Variants in RILPL1 observed in about 807,000 individuals in gnomAD.
RILPL1 encodes RILP-like protein 1.
In RILPL1, 33 loss-of-function variants were observed where a neutral mutation model predicts 50.3. The ratio of observed to expected loss-of-function variants is 0.66; its 90% CI spans 0.50 to 0.88. The LOEUF (loss-of-function observed/expected upper bound fraction) is 0.88, where lower values mean the gene tolerates loss of function less well. RILPL1 is among the 40% of genes least tolerant of loss of function. The pLI, the probability that RILPL1 is intolerant of heterozygous loss-of-function variation, is 0.00. For missense variants in RILPL1, 418 were observed against 542.5 expected, an observed-to-expected ratio of 0.77 and a Z score of 2.28; for synonymous variants, 205 against 228.6, an observed-to-expected ratio of 0.90 and a Z score of 0.93.
intron 5 of RILPL1, chr12:123,484,672 TGA>T (rs1882213309): frequency 1.1e-5 from 2 of 187,284 alleles, no homozygotes; most frequent in African/African-American, 6.9e-5. Context: ...TTTTTTTTTT[TGA>T]GACAGGGTCT....
chr12:123,533,028 G>C lies in RILPL1; in HGVS notation c.309+146C>G. 7 of 865,690 alleles carry C rather than the reference G, an allele frequency of 8.1e-6. No individual in the cohort carries two copies. The highest frequency in any genetic ancestry group is 1.2e-5 in the Non-Finnish European group (7 of 582,990). 53.6% of individuals were successfully genotyped at this position (865,690 alleles called of 1,614,324 possible). On this transcript the variant is annotated intron_variant, in intron 1 of 6. Coordinates refer to ENST00000376874, the MANE Select transcript of RILPL1 (RefSeq NM_178314.5). The surrounding 1 kb of genome is among the most constrained non-coding windows in gnomAD (Gnocchi z 6.2). ...CCCCTGGTCGGGCAAAAGAAGGCCA[G>C]GGCCTCCCTCCCTCCCCACGTCGGG...
At chr12:123,487,852 C>T (rs186104764) in intron 4 of RILPL1, among the ~76,000 whole-genome samples, 1 of 152,306 alleles carries the variant, frequency 6.6e-6, no homozygotes, top group East Asian at 1.9e-4. Context: ...CAAACCGTTT[C>T]CCACGGCAGC....
At chr12:123,507,815 C>T (rs554463580) in intron 2 of RILPL1, among the ~76,000 whole-genome samples, 64 of 151,828 alleles carry the variant, frequency 4.2e-4, no homozygotes, top group South Asian at 4.0e-3. Context: ...GTGGTGCATG[C>T]CTGTAATCCC....
At chr12:123,499,913 T>A (rs1883263657) in intron 2 of RILPL1, among the ~76,000 whole-genome samples, 1 of 150,568 alleles carries the variant, frequency 6.6e-6, no homozygotes, top group Non-Finnish European at 1.5e-5. Flanking sequence ...CTTCTCTCCA[T>A]CCCTGACCCA....
intron 2 of RILPL1, among the ~76,000 whole-genome samples, chr12:123,517,936 C>T (rs1417769529): frequency 1.3e-5 from 2 of 152,072 alleles, no homozygotes; most frequent in Non-Finnish European, 2.9e-5. Flanking sequence ...AATGGATAAA[C>T]CTCGAAAACA....
Position 123,533,634 on chromosome 12 carries a change from G to A in RILPL1, c.-152C>T. On this transcript the variant is annotated 5_prime_UTR_variant, in exon 1 of 7. Transcript: ENST00000376874. This position sits in a 1 kb window ranked among gnomAD's most constrained non-coding sequence, Gnocchi z 6.2. Reference sequence around the variant, plus strand: ...GAGGGCGCAGCGGGCAGCGGGCGGCGGGCGCGGGCGCGGGCACGGGCGGCG... The same window carrying A: ...GAGGGCGCAGCGGGCAGCGGGCGGCAGGCGCGGGCGCGGGCACGGGCGGCG... The A allele has an allele frequency of 3.0e-6, 1 of 336,320 alleles. No homozygotes were observed. Among genetic ancestry groups the A allele is most frequent in the Non-Finnish European group, 4.2e-6 (1 of 239,518 alleles). 20.8% of individuals were successfully genotyped at this position (336,320 alleles called of 1,614,324 possible).
chr12:123,508,641 C>T (rs995679172), intron 2 of RILPL1, among the ~76,000 whole-genome samples: 2 of 152,124 alleles, frequency 1.3e-5, no homozygotes, highest in Non-Finnish European at 2.9e-5. Context: ...CTGATCTGAA[C>T]ATACATGCAA....
chr12:123,506,047 C>A (rs1353041140), intron 2 of RILPL1, among the ~76,000 whole-genome samples: 3 of 152,202 alleles, frequency 2.0e-5, no homozygotes, highest in Non-Finnish European at 4.4e-5. Flanking sequence ...CAGGCACGTG[C>A]CATTACAGAC....
intron 2 of RILPL1, among the ~76,000 whole-genome samples, chr12:123,500,272 CCCTTT>C (rs1291182913): frequency 2.8e-5 from 4 of 143,916 alleles, no homozygotes; most frequent in Non-Finnish European, 6.0e-5. Context: ...TCCTATGTGT[CCCTTT>C]CTTTTTTTTT....
rs1389079769 is a variant in RILPL1, at chr12:123,491,357, G to A, written c.802-5552C>T. On this transcript the variant is annotated intron_variant, in intron 4 of 6. Coordinates refer to ENST00000376874, the MANE Select transcript of RILPL1 (RefSeq NM_178314.5). The surrounding 1 kb of genome is among the most constrained non-coding windows in gnomAD (Gnocchi z 4.0). ...CACAGCTTCAGAGCGATACCCTGAGGCCTCAGCTGCTTCCCAGGAAGGCCC... is the reference window on the plus strand; with the variant it reads ...CACAGCTTCAGAGCGATACCCTGAGACCTCAGCTGCTTCCCAGGAAGGCCC... Among the ~76,000 whole-genome samples the A allele has an allele frequency of 1.3e-5, 2 of 152,198 alleles. No individual in the cohort carries two copies. Among genetic ancestry groups the A allele is most frequent in the Non-Finnish European group, 2.9e-5 (2 of 68,044 alleles).
chr12:123,470,567 G>C lies in RILPL1; in HGVS notation c.*1971C>G, dbSNP rs1321030882. ...AAGGCAGGTGAATCACTTGAGGTCA[G>C]GAGTTCGAGACCTCGAGACCAGCCT... On this transcript the variant is annotated 3_prime_UTR_variant, in exon 7 of 7. Transcript: ENST00000376874. The C allele has an allele frequency of 6.6e-6, 1 of 151,854 alleles. No homozygotes were observed. The highest frequency in any genetic ancestry group is 1.5e-5 in the Non-Finnish European group (1 of 68,088). 9.4% of individuals were successfully genotyped at this position (151,854 alleles called of 1,614,324 possible).
chr12:123,472,760 CAT>C (rs1396255767), intron 6 of RILPL1, 78 bp from the exon 7 acceptor site: 2 of 1,466,644 alleles, frequency 1.4e-6, no homozygotes, highest in African/African-American at 1.4e-5. Context: ...ATGCCGGAGA[CAT>C]ATAGCAGCAA....
chr12:123,518,065 C>A (rs1884808213), intron 2 of RILPL1, among the ~76,000 whole-genome samples: 1 of 152,018 alleles, frequency 6.6e-6, no homozygotes, highest in African/African-American at 2.4e-5. Flanking sequence ...GTGCCAGGGG[C>A]CAATGGCGTG....
At chr12:123,492,378 C>T (rs184358840) in intron 4 of RILPL1, among the ~76,000 whole-genome samples, 1 of 152,190 alleles carries the variant, frequency 6.6e-6, no homozygotes, top group Admixed American at 6.6e-5. Flanking sequence ...ATGTCCCGAA[C>T]AGGTAAATAC....
intron 4 of RILPL1, among the ~76,000 whole-genome samples, chr12:123,492,107 CTA>C (rs1566121161): frequency 2.0e-5 from 3 of 151,868 alleles, no homozygotes; most frequent in Non-Finnish European, 4.4e-5. Flanking sequence ...AACCCTGTCT[CTA>C]CTAAAAATAC....
In RILPL1 at chr12:123,489,297, G is replaced by A. The variant is rs568234983; in HGVS notation, c.802-3492C>T. ...AGTACTTTGGGAGGCTGAGGCAGGC[G>A]GATCACCTGAAGTCAGGAGTTCGAG... On this transcript the variant is annotated intron_variant, in intron 4 of 6. Coordinates refer to ENST00000376874, the MANE Select transcript of RILPL1 (RefSeq NM_178314.5). This position sits in a 1 kb window ranked among gnomAD's most constrained non-coding sequence, Gnocchi z 4.0. Among the ~76,000 whole-genome samples the A allele has an allele frequency of 3.9e-5, 6 of 152,248 alleles. No individual in the cohort carries two copies. The highest frequency in any genetic ancestry group is 1.4e-4 in the African/African-American group (6 of 41,538).
At chr12:123,477,917 C>T (rs1223557408) in intron 6 of RILPL1, among the ~76,000 whole-genome samples, 3 of 149,460 alleles carry the variant, frequency 2.0e-5, no homozygotes, top group Non-Finnish European at 4.4e-5. Context: ...AGGGCCTTTT[C>T]AGGGGGTGAC....
chr12:123,507,801 C>T (rs1218723951), intron 2 of RILPL1, among the ~76,000 whole-genome samples: 1 of 151,548 alleles, frequency 6.6e-6, no homozygotes, highest in Non-Finnish European at 1.5e-5. Flanking sequence ...ATTAGCTGGG[C>T]GTGGTGGTGC....
chr12:123,526,372 G>A (rs775527473), intron 1 of RILPL1, among the ~76,000 whole-genome samples: 76 of 152,048 alleles, frequency 5.0e-4, no homozygotes, highest in Non-Finnish European at 6.5e-4. Flanking sequence ...CATGGACACT[G>A]GAGCCTGCCG....
Sources: gnomAD v4.1 joint callset for allele counts (sites outside exome capture counted in the v4.1 genomes callset) on GRCh38, gnomAD v4.1.1 for gene constraint, Gnocchi (gnomAD v3.1) non-coding constraint, MANE v1.5 for transcripts, NCBI Gene and HGNC (gene_info 2026-07-23, HGNC 2026-07-21) for gene names.